Variants in MAPK10 observed in about 807,000 individuals in gnomAD.
MAPK10 encodes mitogen-activated protein kinase 10.
In MAPK10, 25 loss-of-function variants were observed where a neutral mutation model predicts 59.3. The ratio of observed to expected loss-of-function variants is 0.42; its 90% CI spans 0.31 to 0.59. The LOEUF (loss-of-function observed/expected upper bound fraction) is 0.59. Among genes scored for constraint, MAPK10 ranks in the 20% least tolerant of loss-of-function variants. MAPK10 has a pLI of 0.15. For missense variants in MAPK10, 351 were observed against 568.9 expected, an observed-to-expected ratio of 0.62 and a Z score of 3.90; for synonymous variants, 190 against 200.5, an observed-to-expected ratio of 0.95 and a Z score of 0.44.
intron 1 of MAPK10, among the ~76,000 whole-genome samples, chr4:86,580,324 C>A (rs1341316523): frequency 6.6e-6 from 1 of 151,988 alleles, no homozygotes; most frequent in Non-Finnish European, 1.5e-5. Flanking sequence ...CATGGCAAAA[C>A]CCCGCTCCTA....
intron 1 of MAPK10, among the ~76,000 whole-genome samples, chr4:86,438,830 G>C (rs1347656573): frequency 1.3e-5 from 2 of 152,126 alleles, no homozygotes; most frequent in Non-Finnish European, 2.9e-5. Context: ...GGGAGGGGTG[G>C]AAGCATACCA....
At chr4:86,123,590 G>A (rs557959258) in intron 4 of MAPK10, 1 of 151,958 alleles carries the variant, frequency 6.6e-6, no homozygotes, top group Non-Finnish European at 1.5e-5. Flanking sequence ...GTCAGCATGA[G>A]AGGGCACTAC....
chr4:86,290,459 T>G lies in MAPK10; in HGVS notation c.-7+64071A>C, dbSNP rs2095185733. Among the ~76,000 whole-genome samples, 3 of 152,346 alleles carry G rather than the reference T, an allele frequency of 2.0e-5. No individual in the cohort carries two copies. In the East Asian group the frequency reaches 5.8e-4, roughly 29 times the overall value. On this transcript the variant is annotated intron_variant, in intron 2 of 13. Transcript: ENST00000641462. ...GGTAATACTGGCAACGGCCAATCTA[T>G]CAAAAAGCCAATCTGCTCTCCCAGT...
intron 4 of MAPK10, among the ~76,000 whole-genome samples, chr4:86,132,287 A>T (rs1353201388): frequency 6.6e-6 from 1 of 152,188 alleles, no homozygotes; most frequent in Non-Finnish European, 1.5e-5. Flanking sequence ...TAGAGTAGTT[A>T]TTCCTCTAAT....
At chr4:86,070,111 G>C (rs1411227909) in intron 9 of MAPK10, among the ~76,000 whole-genome samples, 3 of 152,112 alleles carry the variant, frequency 2.0e-5, no homozygotes, top group Admixed American at 2.0e-4. Context: ...AAAAAGAAGG[G>C]TGGCAAAAAT....
chr4:86,238,164 G>C (rs2092425495), intron 2 of MAPK10, among the ~76,000 whole-genome samples: 3 of 152,158 alleles, frequency 2.0e-5, no homozygotes, highest in Non-Finnish European at 2.9e-5. Context: ...TAGGTGTGTA[G>C]TGTTATTTTC....
intron 1 of MAPK10, among the ~76,000 whole-genome samples, chr4:86,498,284 C>T (rs1755041506): frequency 6.6e-6 from 1 of 152,214 alleles, no homozygotes; most frequent in Non-Finnish European, 1.5e-5. Flanking sequence ...ATTTCTGGTG[C>T]AGTCCTAGGA....
chr4:86,398,989 T>G (rs2149015772), intron 1 of MAPK10, among the ~76,000 whole-genome samples: 1 of 152,314 alleles, frequency 6.6e-6, no homozygotes, highest in Middle Eastern at 3.4e-3. Context: ...TACCACATTT[T>G]CATTATCCAG....
chr4:86,193,727 GC>G, intron 3 of MAPK10: 1 of 156,854 alleles, frequency 6.4e-6, no homozygotes, highest in South Asian at 2.0e-4. Context: ...AGACCACTTG[GC>G]TCCCTGGCTT....
intron 11 of MAPK10, among the ~76,000 whole-genome samples, chr4:86,055,599 A>C (rs1175359566): frequency 6.7e-6 from 1 of 150,040 alleles, no homozygotes; most frequent in African/African-American, 2.5e-5. Context: ...CAAGAAATAA[A>C]CTAGCAGTAA....
intron 9 of MAPK10, 57 bp downstream of exon 9, chr4:86,098,467 G>A (rs1696368305): frequency 1.9e-6 from 3 of 1,608,878 alleles, no homozygotes; most frequent in African/African-American, 1.3e-5. Context: ...ATCATTATGT[G>A]TTTAAAAGGG....
At chr4:86,133,109 A>C (rs1258654549) in intron 4 of MAPK10, among the ~76,000 whole-genome samples, 1 of 152,192 alleles carries the variant, frequency 6.6e-6, no homozygotes, top group Non-Finnish European at 1.5e-5. Flanking sequence ...TGAATTGTGA[A>C]GCTGAAAAAA....
intron 2 of MAPK10, among the ~76,000 whole-genome samples, chr4:86,239,457 G>A (rs2092547292): frequency 6.6e-6 from 1 of 152,102 alleles, no homozygotes. Flanking sequence ...ATAGAATTTA[G>A]CTGTGAATCC....
chr4:86,489,323 G>A (rs1057327374), intron 1 of MAPK10, among the ~76,000 whole-genome samples: 1 of 152,060 alleles, frequency 6.6e-6, no homozygotes, highest in Non-Finnish European at 1.5e-5. Context: ...TCTCAAAGTA[G>A]GCGCTGCTCT....
At chr4:86,103,931 G>C (rs1467575267) in intron 5 of MAPK10, among the ~76,000 whole-genome samples, 1 of 151,894 alleles carries the variant, frequency 6.6e-6, no homozygotes, top group Non-Finnish European at 1.5e-5. Context: ...TTTCTCAGTA[G>C]AGTACATACA....
chr4:86,358,535 C>T (rs933315611), intron 1 of MAPK10: 1 of 178,928 alleles, frequency 5.6e-6, no homozygotes, highest in African/African-American at 2.4e-5. Context: ...TGTAAACAAC[C>T]TTGTGATTGC....
intron 1 of MAPK10, among the ~76,000 whole-genome samples, chr4:86,472,732 G>C (rs1337330600): frequency 1.3e-5 from 2 of 152,206 alleles, no homozygotes; most frequent in African/African-American, 4.8e-5. Context: ...CTGTATAGGG[G>C]TGAGGCAGGA....
At chr4:86,286,880 G>A (rs1328607823) in intron 2 of MAPK10, among the ~76,000 whole-genome samples, 1 of 152,182 alleles carries the variant, frequency 6.6e-6, no homozygotes, top group African/African-American at 2.4e-5. Context: ...TCACAGAAGA[G>A]AAGTTTAAGG....
At chr4:86,240,304 G>A (rs2092626653) in intron 2 of MAPK10, among the ~76,000 whole-genome samples, 1 of 152,130 alleles carries the variant, frequency 6.6e-6, no homozygotes, top group African/African-American at 2.4e-5. Flanking sequence ...CCATGTGGCA[G>A]TGAGAAGAAT....
Sources: allele counts gnomAD v4.1 joint callset (sites outside exome capture counted in the v4.1 genomes callset), GRCh38; gene constraint gnomAD v4.1.1; transcripts MANE v1.5; gene names NCBI Gene and HGNC (gene_info 2026-07-23, HGNC 2026-07-21).